The following PRKACG variants were observed in gnomAD, a reference collection of about 807,000 sequenced individuals.
PRKACG encodes cAMP-dependent protein kinase catalytic subunit gamma.
A neutral mutation model predicts 25.6 loss-of-function variants in PRKACG; 24 were observed. The ratio of observed to expected loss-of-function variants is 0.94; its 90% confidence interval spans 0.68 to 1.32. The LOEUF is 1.32. Among genes scored for constraint, PRKACG ranks in the 40% most tolerant of loss-of-function variants. The pLI is 0.00. For synonymous variants in PRKACG, 202 were observed against 195.9 expected, an observed-to-expected ratio of 1.03 and a Z score of -0.26; for missense variants, 481 against 462.9, an observed-to-expected ratio of 1.04 and a Z score of -0.36.
At position 69,013,198 on chromosome 9, in the gene PRKACG, C is replaced by T; in HGVS notation, c.895G>A (p.Ala299Thr). 1 of 1,614,102 alleles carries T rather than the reference C, an allele frequency of 6.2e-7. No homozygotes were observed. Among genetic ancestry groups the T allele is most frequent in the Non-Finnish European group, 8.5e-7 (1 of 1,180,024 alleles). The change falls in exon 1 of 1, where the codon GCC becomes ACC. Residue 299 changes from alanine (A) to threonine (T), a missense_variant. Coordinates refer to ENST00000377276, the MANE Select transcript of PRKACG (RefSeq NM_002732.4). ...VGDIKNHKWF[A>T]TTSWIAIYEK... ...TAGATGGCGATCCAGCTGGTTGTGGCGAACCACTTGTGGTTCTTGATGTCG... is the reference window on the plus strand; with the variant it reads ...TAGATGGCGATCCAGCTGGTTGTGGTGAACCACTTGTGGTTCTTGATGTCG...
In PRKACG at chr9:69,014,089, C is replaced by G; in HGVS notation, c.4G>C (p.Gly2Arg). 6.4e-7 allele frequency: 1 copy of G among 1,572,442 alleles called. No homozygotes were observed. The highest frequency in any genetic ancestry group is 8.7e-7 in the Non-Finnish European group (1 of 1,155,886). Residue 2 changes from glycine to arginine, a missense_variant, in exon 1 of 1, where the codon GGC becomes CGC. Transcript: ENST00000377276. M[G>R]NAPAKKDTEQ... ...GTGTCCTTCTTGGCGGGGGCGTTGC[C>G]CATGGCGGTGGCGGCGGCAGGGGCG...
Position 69,014,043 on chromosome 9 carries a change from T to G in PRKACG, c.50A>C (p.Asn17Thr), listed in dbSNP as rs746571231. ...TCCTCTGGCTTTGGCTAGGAACTCG[T>G]TCACGCTCTCCTCCTGCTCGGTGTC... ...KKDTEQEESVNEFLAKARGDF... is the reference protein window; with the variant it reads ...KKDTEQEESVTEFLAKARGDF... The change falls in exon 1 of 1, where the codon AAC becomes ACC. Residue 17 changes from asparagine to threonine, a missense_variant. By Grantham distance (65) the Asn-to-Thr change is moderately conservative (BLOSUM62 0). Coordinates refer to ENST00000377276, the MANE Select transcript of PRKACG (RefSeq NM_002732.4). The G allele has an allele frequency of 6.2e-7, 1 of 1,612,832 alleles. No individual in the cohort carries two copies. The highest frequency in any genetic ancestry group is 8.5e-7 in the Non-Finnish European group (1 of 1,179,900).
At position 69,014,096 on chromosome 9, in the gene PRKACG, G is replaced by A; in HGVS notation, c.-4C>T. ...TCTTGGCGGGGGCGTTGCCCATGGC[G>A]GTGGCGGCGGCAGGGGCGGGGGTCT... is the stretch of plus-strand genomic sequence containing the variant. On this transcript the variant is annotated 5_prime_UTR_variant, in exon 1 of 1. Transcript: ENST00000377276. 9 of 1,549,688 alleles carry A rather than the reference G, an allele frequency of 5.8e-6. No homozygotes were observed. Among genetic ancestry groups the A allele is most frequent in the Middle Eastern group, 1.7e-4 (1 of 5,796 alleles).
Position 69,013,662 on chromosome 9 carries a change from G to T in PRKACG, c.431C>A (p.Ala144Asp). 1 of 1,614,056 alleles carries T rather than the reference G, an allele frequency of 6.2e-7. No individual in the cohort carries two copies. The highest frequency in any genetic ancestry group is 1.1e-5 in the South Asian group (1 of 91,072). ...GACGACCTGGGCGGCATAGAAACAG[G>T]CATGGGGCTCGCTAAACCTTCCGAC... The part of the protein sequence containing the change: ...QRVGRFSEPH[A>D]CFYAAQVVLA... Residue 144 changes from alanine to aspartate, a missense_variant, in exon 1 of 1, where the codon GCC becomes GAC. Ala to Asp is a moderately radical substitution (Grantham distance 126). Coordinates refer to ENST00000377276, the MANE Select transcript of PRKACG (RefSeq NM_002732.4).
In PRKACG at chr9:69,013,529, G is replaced by A. The variant is rs753540473; in HGVS notation, c.564C>T (p.Phe188=). 5 of 1,614,014 alleles carry A rather than the reference G, an allele frequency of 3.1e-6. No individual in the cohort carries two copies. In the East Asian group the frequency reaches 6.7e-5, roughly 22 times the overall value. The change falls in exon 1 of 1, where the codon TTC becomes TTT. Residue 188 remains phenylalanine (F), a synonymous_variant. Coordinates refer to ENST00000377276, the MANE Select transcript of PRKACG (RefSeq NM_002732.4). Reference sequence around the variant, plus strand: ...AAGTGCGGCCCTTCACGCGCTTGGCGAAACCGAAGTCCGTCACCTGCAGGT... The same window carrying A: ...AAGTGCGGCCCTTCACGCGCTTGGCAAAACCGAAGTCCGTCACCTGCAGGT... The part of the protein sequence containing the change: ...QGYLQVTDFG[F]AKRVKGRTWT...
Position 69,013,698 on chromosome 9 carries a change from C to T in PRKACG, c.395G>A (p.Arg132His), listed in dbSNP as rs767187157. 1.9e-6 allele frequency: 3 copies of T among 1,613,846 alleles called. No homozygotes were observed. Among genetic ancestry groups the T allele is most frequent in the Non-Finnish European group, 2.5e-6 (3 of 1,179,976 alleles). Reference sequence around the variant, plus strand: ...GCTAAACCTTCCGACGCGCTGTAGGCGGGAGAACATCTCCCCACCCGGCAC... The same window carrying T: ...GCTAAACCTTCCGACGCGCTGTAGGTGGGAGAACATCTCCCCACCCGGCAC... ...EYVPGGEMFS[R>H]LQRVGRFSEP... Residue 132 changes from arginine to histidine, a missense_variant, in exon 1 of 1, where the codon CGC (arginine) becomes CAC (histidine). Coordinates refer to ENST00000377276, the MANE Select transcript of PRKACG (RefSeq NM_002732.4).
Position 69,013,401 on chromosome 9 carries a change from T to C in PRKACG, c.692A>G (p.Glu231Gly). 8 of 1,613,578 alleles carry C rather than the reference T, an allele frequency of 5.0e-6. No individual in the cohort carries two copies. The highest frequency in any genetic ancestry group is 6.8e-6 in the Non-Finnish European group (8 of 1,180,018). Residue 231 changes from glutamate (E) to glycine (G), a missense_variant, in exon 1 of 1, where the codon GAG becomes GGG. By Grantham distance (98) the Glu-to-Gly change is moderately conservative. Coordinates refer to ENST00000377276, the MANE Select transcript of PRKACG (RefSeq NM_002732.4). ...DWWALGVLIY[E>G]MAVGFPPFYA... ...GAAGGGTGGGAAGCCCACGGCCATC[T>C]CATAGATGAGCACCCCTAGGGCCCA...
In PRKACG at chr9:69,013,591, G is replaced by C; in HGVS notation, c.502C>G (p.Leu168Val). The C allele has an allele frequency of 1.2e-6, 2 of 1,613,198 alleles. No individual in the cohort carries two copies. The highest frequency in any genetic ancestry group is 1.7e-6 in the Non-Finnish European group (2 of 1,179,574). Residue 168 changes from leucine to valine, a missense_variant, in exon 1 of 1, where the codon CTG (leucine) becomes GTG (valine). Leu to Val is a conservative substitution (Grantham distance 32). Coordinates refer to ENST00000377276, the MANE Select transcript of PRKACG (RefSeq NM_002732.4). Reference sequence around the variant, plus strand: ...TCGATGAGGAGATTCTCGGGCTTCAGGTCGCGGTGGATGAGGTCGAGCGAG... The same window carrying C: ...TCGATGAGGAGATTCTCGGGCTTCACGTCGCGGTGGATGAGGTCGAGCGAG... ...LHSLDLIHRD[L>V]KPENLLIDQQ...
Position 69,013,442 on chromosome 9 carries a change from G to GT in PRKACG, c.650dup (p.Asn217LysfsTer15). 6.2e-7 allele frequency: 1 copy of GT among 1,613,792 alleles called. No individual in the cohort carries two copies. The highest frequency in any genetic ancestry group is 8.5e-7 in the Non-Finnish European group (1 of 1,179,956). On this transcript the variant is annotated frameshift_variant, in exon 1 of 1. Coordinates refer to ENST00000377276, the MANE Select transcript of PRKACG (RefSeq NM_002732.4). LOFTEE classifies it high-confidence loss of function. ...CTAGGGCCCACCAGTCCACGGCCTT[G>GT]TTGTAGCCTTTGCTCAGGATGATCT...
chr9:69,012,959 T>C lies in PRKACG; in HGVS notation c.*78A>G, dbSNP rs1222007929. On this transcript the variant is annotated 3_prime_UTR_variant, in exon 1 of 1. Transcript: ENST00000377276. ...ACAAGGAACTCTGGGGCCCTCTGGC[T>C]GTTCAATCCAACCCTCCCATCCCCC... 53 of 1,422,444 alleles carry C rather than the reference T, an allele frequency of 3.7e-5. No homozygotes were observed. In the South Asian group the frequency reaches 6.6e-4, roughly 18 times the overall value. 88.1% of individuals were successfully genotyped at this position (1,422,444 alleles called of 1,614,324 possible).
chr9:69,013,123 C>A lies in PRKACG; in HGVS notation c.970G>T (p.Asp324Tyr). 1 of 1,614,198 alleles carries A rather than the reference C, an allele frequency of 6.2e-7. No individual in the cohort carries two copies. Among genetic ancestry groups the A allele is most frequent in the Non-Finnish European group, 8.5e-7 (1 of 1,180,042 alleles). ...TCGTAGTCGTCAAAGTTACTGGCAT[C>A]CCCAGGGCCTGTGTACTTCGGGATG... The part of the protein sequence containing the change: ...PFIPKYTGPG[D>Y]ASNFDDYEEE... Residue 324 changes from aspartate (D) to tyrosine (Y), a missense_variant, in exon 1 of 1, where the codon GAT (aspartate) becomes TAT (tyrosine). Transcript: ENST00000377276.
chr9:69,013,632 GC>G lies in PRKACG; in HGVS notation c.460del (p.Ala154ProfsTer15). 6.2e-7 allele frequency: 1 copy of G among 1,613,620 alleles called. No homozygotes were observed. Among genetic ancestry groups the G allele is most frequent in the Non-Finnish European group, 8.5e-7 (1 of 1,179,834 alleles). The stretch of plus-strand genomic sequence containing the variant: ...GTCGAGCGAGTGTAGGTACTGGACG[GC>G]CAGGACGACCTGGGCGGCATAGAAA... The part of the protein sequence containing the change: ...ACFYAAQVVL[A>X]VQYLHSLDLI... On this transcript the variant is annotated frameshift_variant, in exon 1 of 1. Coordinates refer to ENST00000377276, the MANE Select transcript of PRKACG (RefSeq NM_002732.4). LOFTEE classifies it high-confidence loss of function.
rs377692902 is a variant in PRKACG at position 69,013,542 on chromosome 9, G to T, written c.551C>A (p.Thr184Lys). 4 of 1,613,750 alleles carry T rather than the reference G, an allele frequency of 2.5e-6. No homozygotes were observed. Among genetic ancestry groups the T allele is most frequent in the African/African-American group, 1.3e-5 (1 of 74,910 alleles). Residue 184 changes from threonine (T) to lysine (K), a missense_variant, in exon 1 of 1, where the codon ACG (threonine) becomes AAG (lysine). Transcript: ENST00000377276. Reference sequence around the variant, plus strand: ...CACGCGCTTGGCGAAACCGAAGTCCGTCACCTGCAGGTAGCCCTGCTGGTC... The same window carrying T: ...CACGCGCTTGGCGAAACCGAAGTCCTTCACCTGCAGGTAGCCCTGCTGGTC... ...LIDQQGYLQV[T>K]DFGFAKRVKG...
rs772399872 is a variant in PRKACG at position 69,013,088 on chromosome 9, CT to C, written c.1004del (p.Glu335GlyfsTer54). 12 of 1,614,228 alleles carry C rather than the reference CT, an allele frequency of 7.4e-6. No homozygotes were observed. Among genetic ancestry groups the C allele is most frequent in the Non-Finnish European group, 1.0e-5 (12 of 1,180,046 alleles). ...ASNFDDYEEEELRISINEKCA... is the reference protein window; with the variant it reads ...ASNFDDYEEEXLRISINEKCA... ...ACTTCTCATTGATGGAGATCCGGAGCTCTTCCTCCTCGTAGTCGTCAAAGTT... is the reference window on the plus strand; with the variant it reads ...ACTTCTCATTGATGGAGATCCGGAGCCTTCCTCCTCGTAGTCGTCAAAGTT... On this transcript the variant is annotated frameshift_variant, in exon 1 of 1. Coordinates refer to ENST00000377276, the MANE Select transcript of PRKACG (RefSeq NM_002732.4). LOFTEE classifies it high-confidence loss of function.
rs566948575 is a variant in PRKACG, at chr9:69,012,842, G to A, written c.*195C>T. On this transcript the variant is annotated 3_prime_UTR_variant, in exon 1 of 1. Transcript: ENST00000377276. ...AGAGGGACCAGGAAGGCATGGGGGG[G>A]GGTGAGGGAGCAGCTGGTGTTTCTG... 76 of 594,450 alleles carry A rather than the reference G, an allele frequency of 1.3e-4. No individual in the cohort carries two copies. Among genetic ancestry groups the A allele is most frequent in the Middle Eastern group, 4.5e-4 (1 of 2,226 alleles). 36.8% of individuals were successfully genotyped at this position (594,450 alleles called of 1,614,324 possible).
chr9:69,013,472 G>C lies in PRKACG; in HGVS notation c.621C>G (p.Ala207=). ...WTLCGTPEYL[A]PEIILSKGYN... ...AGCCTTTGCTCAGGATGATCTCGGG[G>C]GCCAGGTACTCTGGGGTCCCGCACA... The change falls in exon 1 of 1, where the codon GCC becomes GCG. Residue 207 remains alanine, a synonymous_variant. Transcript: ENST00000377276. 1 of 1,613,966 alleles carries C rather than the reference G, an allele frequency of 6.2e-7. No homozygotes were observed. Among genetic ancestry groups the C allele is most frequent in the Non-Finnish European group, 8.5e-7 (1 of 1,180,020 alleles).
In PRKACG at chr9:69,013,535, G is replaced by C. The variant is rs761159477; in HGVS notation, c.558C>G (p.Phe186Leu). The change falls in exon 1 of 1, where the codon TTC becomes TTG. Residue 186 changes from phenylalanine (F) to leucine (L), a missense_variant. Transcript: ENST00000377276. ...GGCCCTTCACGCGCTTGGCGAAACCGAAGTCCGTCACCTGCAGGTAGCCCT... is the reference window on the plus strand; with the variant it reads ...GGCCCTTCACGCGCTTGGCGAAACCCAAGTCCGTCACCTGCAGGTAGCCCT... ...DQQGYLQVTD[F>L]GFAKRVKGRT... The C allele has an allele frequency of 7.0e-5, 113 of 1,613,908 alleles. No homozygotes were observed. Among genetic ancestry groups the C allele is most frequent in the Non-Finnish European group, 9.0e-5 (106 of 1,179,994 alleles).
chr9:69,012,978 A>T lies in PRKACG; in HGVS notation c.*59T>A. On this transcript the variant is annotated 3_prime_UTR_variant, in exon 1 of 1. Transcript: ENST00000377276. ...TCTGGCTGTTCAATCCAACCCTCCC[A>T]TCCCCCAAACCACCAAAAACAAAAA... 1 of 1,533,840 alleles carries T rather than the reference A, an allele frequency of 6.5e-7. No individual in the cohort carries two copies. The highest frequency in any genetic ancestry group is 2.2e-4 in the Middle Eastern group (1 of 4,628).
At position 69,013,856 on chromosome 9, in the gene PRKACG, C is replaced by T; in HGVS notation, c.237G>A (p.Lys79=). The change falls in exon 1 of 1, where the codon AAG becomes AAA. Residue 79 remains lysine, a synonymous_variant. Transcript: ENST00000377276. ...HYAMKILNKQ[K]VVKMKQVEHI... ...GCTCGACCTGCTTCATCTTCACCAC[C>T]TTCTGCTTGTTGAGGATCTTCATGG... The T allele has an allele frequency of 6.2e-7, 1 of 1,613,796 alleles. No individual in the cohort carries two copies. Among genetic ancestry groups the T allele is most frequent in the Non-Finnish European group, 8.5e-7 (1 of 1,180,002 alleles).
Sources: allele counts gnomAD v4.1 joint callset, GRCh38; gene constraint gnomAD v4.1.1; transcripts MANE v1.5; gene names NCBI Gene and HGNC (gene_info 2026-07-23, HGNC 2026-07-21).